GPC6: variants seen among roughly 807,000 people sequenced by gnomAD.
GPC6 encodes glypican-6.
In GPC6, 14 loss-of-function variants were observed where a neutral mutation model predicts 55.2. That is an observed-to-expected ratio of 0.25 (90% CI 0.17 to 0.40). The LOEUF is 0.40. GPC6 is among the 10% of genes least tolerant of loss of function. The pLI is 1.00. For missense variants in GPC6, 641 were observed against 708.5 expected, an observed-to-expected ratio of 0.90 and a Z score of 1.08; for synonymous variants, 278 against 259.6, an observed-to-expected ratio of 1.07 and a Z score of -0.68.
At chr13:93,552,134 C>T (rs1416520583) in intron 2 of GPC6, among the ~76,000 whole-genome samples, 3 of 152,162 alleles carry the variant, frequency 2.0e-5, no homozygotes, top group Non-Finnish European at 4.4e-5. Context: ...GACATGTATT[C>T]CATCTGAAGG....
rs189386129 is a variant in GPC6 at position 93,876,928 on chromosome 13, G to A, written c.711+46383G>A. On this transcript the variant is annotated intron_variant, in intron 3 of 8. Transcript: ENST00000377047. Reference sequence around the variant, plus strand: ...ATACATCCCCAAACACTCACCATACGTTCCTCTTGATTGGAGATCATTTCC... The same window carrying A: ...ATACATCCCCAAACACTCACCATACATTCCTCTTGATTGGAGATCATTTCC... Among the ~76,000 whole-genome samples, 3 of 152,082 alleles carry A rather than the reference G, an allele frequency of 2.0e-5. No homozygotes were observed. In the East Asian group the frequency reaches 5.8e-4, roughly 30 times the overall value.
intron 3 of GPC6, among the ~76,000 whole-genome samples, chr13:93,892,189 C>T (rs1327596208): frequency 6.6e-6 from 1 of 151,924 alleles, no homozygotes; most frequent in Non-Finnish European, 1.5e-5. Context: ...TATACTAAGC[C>T]ATCCCTATAA....
intron 1 of GPC6, among the ~76,000 whole-genome samples, chr13:93,364,900 G>A (rs1317981903): frequency 2.0e-5 from 3 of 151,350 alleles, no homozygotes; most frequent in Admixed American, 6.6e-5. Context: ...CTTCACCTCC[G>A]GTCTGTCTCC....
At chr13:94,272,463 C>CTTTTTTTTTTTT (rs555664508) in intron 4 of GPC6, among the ~76,000 whole-genome samples, 26 of 85,736 alleles carry the variant, frequency 3.0e-4, no homozygotes, top group African/African-American at 5.0e-4. Flanking sequence ...CTTTTCTTTT[C>CTTTTTTTTTTTT]TTTTTTTTTT....
chr13:93,449,358 C>T (rs370502807), intron 1 of GPC6, among the ~76,000 whole-genome samples: 5 of 152,152 alleles, frequency 3.3e-5, no homozygotes, highest in East Asian at 1.9e-4. Flanking sequence ...AGGTGTGAAA[C>T]GCAGGTGGGC....
chr13:94,339,775 TTTTTTG>T (rs1877931449), intron 6 of GPC6, among the ~76,000 whole-genome samples: 1 of 143,912 alleles, frequency 6.9e-6, no homozygotes, highest in Non-Finnish European at 1.5e-5. Flanking sequence ...TTTTTTTTTT[TTTTTTG>T]AGACAGAGTT....
At chr13:94,372,361 G>T (rs1358639318) in intron 6 of GPC6, among the ~76,000 whole-genome samples, 1 of 151,680 alleles carries the variant, frequency 6.6e-6, no homozygotes, top group African/African-American at 2.4e-5. Context: ...TGCGCGCACC[G>T]TGCGCGAGCC....
intron 1 of GPC6, among the ~76,000 whole-genome samples, chr13:93,409,969 G>T (rs1876435999): frequency 6.6e-6 from 1 of 152,118 alleles, no homozygotes; most frequent in African/African-American, 2.4e-5. Flanking sequence ...TTTTTGATTG[G>T]GTAAATTAAG....
intron 6 of GPC6, among the ~76,000 whole-genome samples, chr13:94,308,206 C>T (rs896604354): frequency 1.3e-5 from 2 of 152,172 alleles, no homozygotes; most frequent in Non-Finnish European, 1.5e-5. Flanking sequence ...AATAAACACA[C>T]ACCCTTAAAC....
the GPC6 span, among the ~76,000 whole-genome samples, chr13:93,218,208 A>G: frequency 6.6e-6 from 1 of 152,120 alleles, no homozygotes; most frequent in Non-Finnish European, 1.5e-5. Flanking sequence ...ATGTAATAAA[A>G]TGTGCGAAGT....
Position 94,259,924 on chromosome 13 carries a change from T to C in GPC6, c.878-26425T>C, listed in dbSNP as rs1214615764. On this transcript the variant is annotated intron_variant, in intron 4 of 8. Transcript: ENST00000377047. ...CACATACACACACACACGCACACGA[T>C]ATTTTGTTTATCATTAATCTACCAA... is the stretch of plus-strand genomic sequence containing the variant. 2.0e-5 allele frequency among the ~76,000 whole-genome samples: 3 copies of C among 152,056 alleles called. No homozygotes were observed. In the East Asian group the frequency reaches 5.8e-4, roughly 29 times the overall value.
chr13:94,142,400 CTA>C (rs896569448), intron 4 of GPC6, among the ~76,000 whole-genome samples: 4 of 152,114 alleles, frequency 2.6e-5, no homozygotes, highest in Non-Finnish European at 4.4e-5. Context: ...CTTTTGATGA[CTA>C]TGAAAATAGT....
intron 3 of GPC6, among the ~76,000 whole-genome samples, chr13:94,015,106 T>G (rs1008881299): frequency 2.0e-5 from 3 of 152,200 alleles, no homozygotes; most frequent in Non-Finnish European, 4.4e-5. Flanking sequence ...TTTGAGGAAC[T>G]GCCAAACTGT....
Position 94,312,719 on chromosome 13 carries a change from C to T in GPC6, c.1152+6596C>T, listed in dbSNP as rs566692786. ...ACGAAGACACACACGCACACGCGCA[C>T]GCACACACACACACACACACACATG... On this transcript the variant is annotated intron_variant, in intron 6 of 8. Transcript: ENST00000377047. Among the ~76,000 whole-genome samples the T allele has an allele frequency of 1.8e-3, 132 of 73,850 alleles. 1 individual carries two copies. The highest frequency in any genetic ancestry group is 4.2e-3 in the African/African-American group (113 of 27,216). 48.4% of individuals were successfully genotyped at this position (73,850 alleles called of 152,430 possible). A position where few individuals can be genotyped will look rare whatever the true frequency, so the allele number is the denominator to read the frequency against.
chr13:93,429,722 T>G (rs372947587), intron 1 of GPC6, among the ~76,000 whole-genome samples: 1 of 152,140 alleles, frequency 6.6e-6, no homozygotes, highest in East Asian at 1.9e-4. Flanking sequence ...GTATTATTTT[T>G]TTCTTCTGGT....
chr13:93,722,115 A>G (rs1408315379), intron 2 of GPC6, among the ~76,000 whole-genome samples: 1 of 151,762 alleles, frequency 6.6e-6, no homozygotes, highest in Non-Finnish European at 1.5e-5. Flanking sequence ...TTCTTAATAA[A>G]TAGTAAATAT....
At chr13:94,288,759 A>G (rs1428530025) in intron 5 of GPC6, among the ~76,000 whole-genome samples, 5 of 126,884 alleles carry the variant, frequency 3.9e-5, no homozygotes, top group Non-Finnish European at 8.0e-5. Context: ...AATATATATA[A>G]TAAATATATA....
At chr13:93,656,242 G>A (rs949010196) in intron 2 of GPC6, among the ~76,000 whole-genome samples, 2 of 152,104 alleles carry the variant, frequency 1.3e-5, no homozygotes, top group African/African-American at 4.8e-5. Context: ...AACGGTGTCA[G>A]CAAGTAAATC....
intron 3 of GPC6, among the ~76,000 whole-genome samples, chr13:93,982,995 T>A (rs1880872872): frequency 6.6e-6 from 1 of 152,176 alleles, no homozygotes; most frequent in Admixed American, 6.6e-5. Context: ...ATTTGGCAAA[T>A]GTACATTCTA....
Sources: allele counts gnomAD v4.1 joint callset (sites outside exome capture counted in the v4.1 genomes callset), GRCh38; gene constraint gnomAD v4.1.1; transcripts MANE v1.5; gene names NCBI Gene and HGNC (gene_info 2026-07-23, HGNC 2026-07-21).